Variants in SPIDR observed in about 807,000 individuals in gnomAD.
SPIDR encodes the protein DNA repair-scaffolding protein.
In SPIDR, 93 loss-of-function variants were observed where a neutral mutation model predicts 104.6. That is an observed-to-expected ratio of 0.89 (90% CI 0.75 to 1.06). The LOEUF (loss-of-function observed/expected upper bound fraction) is 1.06, where lower values mean the gene tolerates loss of function less well. Ranked by LOEUF, SPIDR falls within the 50% of genes least tolerant of loss-of-function variation. The probability of loss-of-function intolerance (pLI) is 0.00; values close to 1 mark genes in which losing one functional copy is unlikely to be tolerated. For missense variants in SPIDR, 1,154 were observed against 1,111.2 expected (o/e 1.04, Z -0.55); for synonymous variants, 431 against 416.9 (o/e 1.03, Z -0.41).
At chr8:47,584,096 C>A (rs2060021064) in intron 8 of SPIDR, among the ~76,000 whole-genome samples, 2 of 152,250 alleles carry the variant, frequency 1.3e-5, no homozygotes, top group Non-Finnish European at 2.9e-5. Flanking sequence ...TTGATTTGTG[C>A]TATTATGTGA....
chr8:47,527,952 C>T (rs1385511401), intron 8 of SPIDR: 4 of 152,128 alleles, frequency 2.6e-5, no homozygotes, highest in Admixed American at 1.3e-4. Context: ...ATTGACATCT[C>T]ATGGAGAAGT....
In SPIDR at chr8:47,550,150, C is replaced by T. The variant is rs199915129; in HGVS notation, c.1098-45661C>T. 5.9e-5 allele frequency among the ~76,000 whole-genome samples: 9 copies of T among 152,162 alleles called. No individual in the cohort carries two copies. In the South Asian group the frequency reaches 1.9e-3, roughly 32 times the overall value. On this transcript the variant is annotated intron_variant, in intron 8 of 19. Coordinates refer to ENST00000297423, the MANE Select transcript of SPIDR (RefSeq NM_001080394.4). ...ATCTCTGTTTTGGTACCAGTACCAT[C>T]CTGTTTTTGTTACTGTAGCCTTGTA...
chr8:47,540,599 A>C (rs892962959), intron 8 of SPIDR, among the ~76,000 whole-genome samples: 1 of 152,146 alleles, frequency 6.6e-6, no homozygotes, highest in Non-Finnish European at 1.5e-5. Flanking sequence ...TTTAGTTTAG[A>C]AGACTATCTT....
intron 5 of SPIDR, among the ~76,000 whole-genome samples, chr8:47,328,495 T>C (rs532341820): frequency 2.6e-4 from 39 of 151,884 alleles, no homozygotes; most frequent in African/African-American, 9.2e-4. Flanking sequence ...CAAGTGATCC[T>C]CCCACCTAAG....
chr8:47,522,516 A>G (rs1379049319), intron 8 of SPIDR, among the ~76,000 whole-genome samples: 3 of 152,164 alleles, frequency 2.0e-5, no homozygotes, highest in Non-Finnish European at 4.4e-5. Flanking sequence ...AGAGGGAAAG[A>G]GGAAGTCTCT....
intron 10 of SPIDR, among the ~76,000 whole-genome samples, chr8:47,658,581 T>C (rs1026777782): frequency 6.1e-5 from 9 of 147,642 alleles, no homozygotes; most frequent in Non-Finnish European, 1.2e-4. Flanking sequence ...TTGTTGTTGT[T>C]GTTGTTAATC....
intron 1 of SPIDR, among the ~76,000 whole-genome samples, chr8:47,274,332 T>G (rs2035932717): frequency 6.6e-6 from 1 of 152,200 alleles, no homozygotes; most frequent in African/African-American, 2.4e-5. Context: ...TGCTACATAT[T>G]TTCCTTTGCA....
intron 1 of SPIDR, among the ~76,000 whole-genome samples, chr8:47,270,280 A>C (rs2035026735): frequency 1.3e-5 from 2 of 152,138 alleles, no homozygotes; most frequent in African/African-American, 4.8e-5. Flanking sequence ...CTTTGTAGGA[A>C]GTTTTAAAGT....
intron 5 of SPIDR, among the ~76,000 whole-genome samples, chr8:47,312,310 G>C (rs1329425260): frequency 2.0e-5 from 3 of 152,106 alleles, no homozygotes; most frequent in African/African-American, 7.2e-5. Flanking sequence ...CTTCCACAAT[G>C]GTTGAACTAG....
chr8:47,308,038 C>A (rs959155382), intron 5 of SPIDR, among the ~76,000 whole-genome samples: 1 of 151,816 alleles, frequency 6.6e-6, no homozygotes, highest in African/African-American at 2.4e-5. Flanking sequence ...AAATTAGATT[C>A]TCCCTCTTCC....
intron 10 of SPIDR, among the ~76,000 whole-genome samples, chr8:47,661,499 A>G (rs2074099679): frequency 6.6e-6 from 1 of 152,262 alleles, no homozygotes. Flanking sequence ...AATGTACTCA[A>G]CTGCTTCCCA....
intron 16 of SPIDR, among the ~76,000 whole-genome samples, chr8:47,715,736 T>C (rs983485472): frequency 1.3e-5 from 2 of 152,190 alleles, no homozygotes; most frequent in African/African-American, 2.4e-5. Context: ...CTTTCCTCAG[T>C]TGATGGACAT....
chr8:47,264,171 G>T (rs894290164), intron 1 of SPIDR, among the ~76,000 whole-genome samples: 3 of 152,160 alleles, frequency 2.0e-5, no homozygotes, highest in Non-Finnish European at 4.4e-5. Context: ...TAAGATGAAA[G>T]GTGGTGTGGT....
intron 8 of SPIDR, among the ~76,000 whole-genome samples, chr8:47,578,063 G>T (rs1228260838): frequency 1.3e-5 from 2 of 152,204 alleles, no homozygotes; most frequent in African/African-American, 4.8e-5. Context: ...ATAACTTAAA[G>T]ACTAATCATA....
intron 10 of SPIDR, among the ~76,000 whole-genome samples, chr8:47,664,454 A>G (rs1397596900): frequency 1.3e-5 from 2 of 152,210 alleles, no homozygotes; most frequent in Non-Finnish European, 2.9e-5. Flanking sequence ...TATGTTAACA[A>G]TGTCTAACCA....
intron 10 of SPIDR, among the ~76,000 whole-genome samples, chr8:47,632,832 G>A (rs927010827): frequency 1.3e-5 from 2 of 152,218 alleles, no homozygotes; most frequent in African/African-American, 4.8e-5. Context: ...CTGCACAGCA[G>A]TTCTGGAGAG....
intron 10 of SPIDR, among the ~76,000 whole-genome samples, chr8:47,617,872 A>G (rs186698687): frequency 1.3e-5 from 2 of 152,114 alleles, no homozygotes; most frequent in African/African-American, 4.8e-5. Flanking sequence ...TAAAATGAAT[A>G]TTGCTTCTCT....
intron 11 of SPIDR, among the ~76,000 whole-genome samples, chr8:47,685,461 A>G (rs1041899084): frequency 1.3e-5 from 2 of 149,432 alleles, no homozygotes; most frequent in African/African-American, 4.9e-5. Context: ...ATTATCTACC[A>G]GTAGGAGGTC....
At chr8:47,421,091 G>C (rs1451233993) in intron 7 of SPIDR, among the ~76,000 whole-genome samples, 1 of 152,124 alleles carries the variant, frequency 6.6e-6, no homozygotes, top group Non-Finnish European at 1.5e-5. Context: ...ATGTGTCTTG[G>C]AGTTGCTCTT....
Sources: gnomAD v4.1 joint callset for allele counts (sites outside exome capture counted in the v4.1 genomes callset) on GRCh38, gnomAD v4.1.1 for gene constraint, MANE v1.5 for transcripts, NCBI Gene and HGNC (gene_info 2026-07-23, HGNC 2026-07-21) for gene names.